NRCAM: variants seen among roughly 807,000 people sequenced by gnomAD.
NRCAM encodes neuronal cell adhesion molecule.
In NRCAM, 83 loss-of-function variants were observed where a neutral mutation model predicts 156.5. That is an observed-to-expected ratio of 0.53 (90% CI 0.44 to 0.64). NRCAM has a LOEUF of 0.64. Ranked by LOEUF, NRCAM falls within the 30% of genes least tolerant of loss-of-function variation. The pLI is 0.00. For missense variants in NRCAM, 1,417 were observed against 1,597.3 expected, an observed-to-expected ratio of 0.89 and a Z score of 1.92; for synonymous variants, 538 against 563.9, an observed-to-expected ratio of 0.95 and a Z score of 0.65.
At chr7:108,220,219 A>C (rs1220677656) in intron 11 of NRCAM, among the ~76,000 whole-genome samples, 2 of 152,200 alleles carry the variant, frequency 1.3e-5, no homozygotes, top group Non-Finnish European at 2.9e-5. Flanking sequence ...AAATGAAAAC[A>C]CATCCCATGC....
chr7:108,342,388 A>G (rs2099296505), intron 2 of NRCAM, among the ~76,000 whole-genome samples: 1 of 152,090 alleles, frequency 6.6e-6, no homozygotes, highest in South Asian at 2.1e-4. Context: ...TCATCCCAAA[A>G]CCCTAAAGCA....
At chr7:108,203,813 G>A (rs1380340725) in intron 13 of NRCAM, among the ~76,000 whole-genome samples, 1 of 152,140 alleles carries the variant, frequency 6.6e-6, no homozygotes, top group African/African-American at 2.4e-5. Flanking sequence ...GCAGCAGCTG[G>A]TCCACCTGCA....
chr7:108,400,227 G>T (rs148544456), intron 1 of NRCAM, among the ~76,000 whole-genome samples: 173 of 152,322 alleles, frequency 1.1e-3, no homozygotes, highest in African/African-American at 3.8e-3. Context: ...CCAACTAACA[G>T]GTGTGCTTGA....
chr7:108,365,603 C>A (rs1289891651), intron 2 of NRCAM, among the ~76,000 whole-genome samples: 1 of 149,996 alleles, frequency 6.7e-6, no homozygotes, highest in African/African-American at 2.5e-5. Context: ...ATTCTTCCTT[C>A]TCGTATTCAG....
intron 1 of NRCAM, among the ~76,000 whole-genome samples, chr7:108,439,168 G>C (rs1272618082): frequency 6.6e-6 from 1 of 152,054 alleles, no homozygotes; most frequent in Non-Finnish European, 1.5e-5. Context: ...AAATTTTTGT[G>C]AAGTTGAGTG....
At chr7:108,392,291 A>G (rs1244225853) in intron 2 of NRCAM, among the ~76,000 whole-genome samples, 2 of 152,064 alleles carry the variant, frequency 1.3e-5, no homozygotes, top group African/African-American at 4.8e-5. Context: ...TTTTTTCTCT[A>G]AACTTCTCTT....
At chr7:108,413,694 C>T (rs921357081) in intron 1 of NRCAM, among the ~76,000 whole-genome samples, 3 of 152,288 alleles carry the variant, frequency 2.0e-5, no homozygotes, top group Middle Eastern at 3.4e-3. Context: ...ATATAGGGGG[C>T]AATTAACCAA....
At chr7:108,159,396 G>T in intron 32 of NRCAM, 67 bp downstream of exon 32, 1 of 1,357,182 alleles carries the variant, frequency 7.4e-7, no homozygotes, top group Non-Finnish European at 1.1e-6. Flanking sequence ...TATTCTGGCT[G>T]AGTTCTATTC....
intron 2 of NRCAM, among the ~76,000 whole-genome samples, chr7:108,383,549 C>T (rs1218570810): frequency 1.3e-5 from 2 of 152,186 alleles, no homozygotes; most frequent in African/African-American, 4.8e-5. Context: ...CAGACTTCAA[C>T]GGAGTTCCAT....
At chr7:108,274,493 T>C (rs1279650108) in intron 3 of NRCAM, among the ~76,000 whole-genome samples, 2 of 152,184 alleles carry the variant, frequency 1.3e-5, no homozygotes, top group East Asian at 3.8e-4. Context: ...TTTATTCTCT[T>C]TGTAGTAATT....
chr7:108,419,553 TAGAG>T (rs1806392701), intron 1 of NRCAM, among the ~76,000 whole-genome samples: 3 of 510 alleles, frequency 5.9e-3, no homozygotes, highest in South Asian at 0.2. Context: ...GCAGTATATA[TAGAG>T]TTTGAGGTAT....
chr7:108,217,065 G>A (rs551814823), intron 11 of NRCAM, among the ~76,000 whole-genome samples: 3 of 141,950 alleles, frequency 2.1e-5, no homozygotes, highest in African/African-American at 7.4e-5. Flanking sequence ...TCTACCTTTG[G>A]TCTTTGATGT....
At chr7:108,393,157 C>A (rs1275913073) in intron 2 of NRCAM, among the ~76,000 whole-genome samples, 2 of 152,154 alleles carry the variant, frequency 1.3e-5, no homozygotes, top group African/African-American at 4.8e-5. Context: ...ATGCCCTGCC[C>A]CCAGAGGTGG....
At chr7:108,274,628 C>T (rs749695202) in intron 3 of NRCAM, among the ~76,000 whole-genome samples, 21 of 152,126 alleles carry the variant, frequency 1.4e-4, no homozygotes, top group Non-Finnish European at 2.8e-4. Flanking sequence ...ATCAGCTTAA[C>T]GAGATTTTGG....
At chr7:108,422,097 T>C (rs1325746711) in intron 1 of NRCAM, among the ~76,000 whole-genome samples, 1 of 152,194 alleles carries the variant, frequency 6.6e-6, no homozygotes, top group Non-Finnish European at 1.5e-5. Flanking sequence ...CAAGAGCCAC[T>C]TCACGAGTTC....
At chr7:108,204,272 G>A (rs574524934) in intron 13 of NRCAM, among the ~76,000 whole-genome samples, 1 of 152,334 alleles carries the variant, frequency 6.6e-6, no homozygotes, top group Non-Finnish European at 1.5e-5. Context: ...GATCAGGGGA[G>A]ATCAACACAC....
intron 2 of NRCAM, among the ~76,000 whole-genome samples, chr7:108,382,078 G>C (rs1034795244): frequency 6.6e-6 from 1 of 152,162 alleles, no homozygotes; most frequent in Non-Finnish European, 1.5e-5. Context: ...TGAGGCTCCT[G>C]CTGACATTCA....
chr7:108,276,914 T>C (rs921878360), intron 3 of NRCAM, among the ~76,000 whole-genome samples: 20 of 152,356 alleles, frequency 1.3e-4, no homozygotes, highest in Non-Finnish European at 2.6e-4. Context: ...TCAGGAGCTC[T>C]TGTAAGGCAG....
At chr7:108,369,805 C>T (rs921453770) in intron 2 of NRCAM, among the ~76,000 whole-genome samples, 5 of 152,070 alleles carry the variant, frequency 3.3e-5, no homozygotes, top group Non-Finnish European at 7.4e-5. Flanking sequence ...TAGACTCATA[C>T]TACATTTTCC....
Sources: gnomAD v4.1 joint callset for allele counts (sites outside exome capture counted in the v4.1 genomes callset) on GRCh38, gnomAD v4.1.1 for gene constraint, MANE v1.5 for transcripts, NCBI Gene and HGNC (gene_info 2026-07-23, HGNC 2026-07-21) for gene names.